Variants in CCR3 observed in about 807,000 individuals in gnomAD.
The protein encoded by CCR3 is C-C chemokine receptor type 3.
For synonymous variants in CCR3, 203 were observed against 179.2 expected (o/e 1.13, Z -1.06); for missense variants, 419 against 437.5 (o/e 0.96, Z 0.38).
At chr3:46,229,853 G>GA (rs547588266) in intron 2 of CCR3, among the ~76,000 whole-genome samples, 33 of 150,926 alleles carry the variant, frequency 2.2e-4, no homozygotes, top group Admixed American at 1.1e-3. Context: ...AATGTGCTGA[G>GA]AAAAAAAAAC....
chr3:46,233,525 G>A (rs1699991128), intron 2 of CCR3, among the ~76,000 whole-genome samples: 1 of 152,060 alleles, frequency 6.6e-6, no homozygotes, highest in South Asian at 2.1e-4. Flanking sequence ...TGTTGTTGTT[G>A]TTTTGGCTCT....
At position 46,265,309 on chromosome 3, in the gene CCR3, G is replaced by A; in HGVS notation, c.151G>A (p.Gly51Ser). The change falls in exon 2 of 2, where the codon GGC becomes AGC. Residue 51 changes from glycine (G) to serine (S), a missense_variant. Coordinates refer to ENST00000395940, the MANE Select transcript of CCR3 (RefSeq NM_178329.3). ...CCTGGTGTTCACTGTGGGCCTCTTG[G>A]GCAATGTGGTGGTGGTGATGATCCT... ...YSLVFTVGLL[G>S]NVVVVMILIK... The A allele has an allele frequency of 6.2e-7, 1 of 1,614,030 alleles. No individual in the cohort carries two copies. Among genetic ancestry groups the A allele is most frequent in the Non-Finnish European group, 8.5e-7 (1 of 1,180,000 alleles).
chr3:46,259,651 T>C (rs1700487363), intron 1 of CCR3, among the ~76,000 whole-genome samples: 1 of 152,186 alleles, frequency 6.6e-6, no homozygotes, highest in Admixed American at 6.6e-5. Context: ...TTTTATAATA[T>C]AAGGAGAGAA....
intron 2 of CCR3, among the ~76,000 whole-genome samples, chr3:46,228,015 C>A (rs1699922086): frequency 6.6e-6 from 1 of 152,116 alleles, no homozygotes; most frequent in Non-Finnish European, 1.5e-5. Context: ...TCCTAGTCAA[C>A]ATACCTAGAG....
At chr3:46,234,680 A>T (rs1700005132) in intron 2 of CCR3, among the ~76,000 whole-genome samples, 2 of 152,240 alleles carry the variant, frequency 1.3e-5, no homozygotes, top group Admixed American at 1.3e-4. Flanking sequence ...AGTCACTCCC[A>T]TGAAGATCTG....
intron 2 of CCR3, among the ~76,000 whole-genome samples, chr3:46,229,199 T>C (rs879482516): frequency 6.6e-5 from 10 of 152,230 alleles, no homozygotes; most frequent in Admixed American, 6.5e-5. Context: ...TCTTTCATAC[T>C]GTCTCCTTCC....
At chr3:46,263,553 C>T (rs982448907) in intron 1 of CCR3, 4 of 153,212 alleles carry the variant, frequency 2.6e-5, no homozygotes, top group African/African-American at 7.2e-5. Context: ...TCAACAAGTT[C>T]CACCCAAGGG....
At chr3:46,211,043 G>A (rs1207325222) in intron 2 of CCR3, 1 of 152,100 alleles carries the variant, frequency 6.6e-6, no homozygotes. Flanking sequence ...ATTTTAATAT[G>A]TTAAAAAATC....
At chr3:46,251,508 C>T (rs1700311599) in intron 1 of CCR3, among the ~76,000 whole-genome samples, 1 of 152,040 alleles carries the variant, frequency 6.6e-6, no homozygotes, top group African/African-American at 2.4e-5. Context: ...GTCTGAGGAC[C>T]TGAGGTCGTA....
intron 2 of CCR3, among the ~76,000 whole-genome samples, chr3:46,236,563 G>T (rs979127718): frequency 6.6e-6 from 1 of 152,248 alleles, no homozygotes; most frequent in African/African-American, 2.4e-5. Flanking sequence ...AACAACTAGA[G>T]GACTTCTTAT....
At chr3:46,251,144 T>C (rs4683191) in intron 1 of CCR3, among the ~76,000 whole-genome samples, 143,149 of 152,022 alleles carry the variant, frequency 0.94, 67,517 homozygotes, top group East Asian at 1. Context: ...CCCAGAAAAG[T>C]GGGACTTGCT....
At position 46,265,989 on chromosome 3, in the gene CCR3, G is replaced by A. The variant is rs201371312; in HGVS notation, c.831G>A (p.Lys277=). The A allele has an allele frequency of 1.8e-4, 293 of 1,614,098 alleles. 3 individuals are homozygous for A. The South Asian group carries it at 3.0e-3, about 17-fold the overall frequency. ...TTGGAAATGACTGTGAGCGGAGCAA[G>A]CATCTGGACCTGGTCATGCTGGTGA... ...ILFGNDCERS[K]HLDLVMLVTE... The change falls in exon 2 of 2, where the codon AAG becomes AAA. Residue 277 remains lysine, a synonymous_variant. Transcript: ENST00000395940.
intron 1 of CCR3, among the ~76,000 whole-genome samples, chr3:46,257,021 CA>C (rs35365421): frequency 0.37 from 56,175 of 150,770 alleles, 10,800 homozygotes; most frequent in East Asian, 0.64. Context: ...GTCAAATTTG[CA>C]AAAAAAAATT....
At chr3:46,227,259 G>T (rs1352596195) in intron 2 of CCR3, among the ~76,000 whole-genome samples, 1 of 152,052 alleles carries the variant, frequency 6.6e-6, no homozygotes, top group Admixed American at 6.6e-5. Flanking sequence ...TTTCTGAATT[G>T]TTGAATTTAT....
Position 46,242,963 on chromosome 3 carries a change from GTATATATATATATATACACA to G in CCR3, c.-12+442_-12+461del, listed in dbSNP as rs1404316077. ...AAAATATAATTTTACATATATATGTGTATATATATATATATACACATATATATATATATATATATACGCAC... is the reference window on the plus strand; with the variant it reads ...AAAATATAATTTTACATATATATGTGTATATATATATATATATATACGCAC... On this transcript the variant is annotated intron_variant, in intron 1 of 1. Transcript: ENST00000395940. Among the ~76,000 whole-genome samples the G allele has an allele frequency of 3.5e-5, 3 of 86,298 alleles. 1 individual carries two copies. The highest frequency in any genetic ancestry group is 6.6e-5 in the Non-Finnish European group (3 of 45,226). The allele number at this position is 86,298 out of a possible 152,430, so 56.6% of individuals were successfully genotyped here. A position where few individuals can be genotyped will look rare whatever the true frequency, so the allele number is the denominator to read the frequency against.
At chr3:46,263,837 C>T (rs191157942) in intron 1 of CCR3, 13 of 153,480 alleles carry the variant, frequency 8.5e-5, no homozygotes, top group African/African-American at 2.6e-4. Flanking sequence ...CTACCCAGAA[C>T]CCCAACATGT....
intron 1 of CCR3, among the ~76,000 whole-genome samples, chr3:46,251,123 C>T (rs1207039650): frequency 6.6e-6 from 1 of 152,064 alleles, no homozygotes; most frequent in Non-Finnish European, 1.5e-5. Flanking sequence ...GGTTGAGGTA[C>T]TTGCCCCTTT....
intron 1 of CCR3, chr3:46,264,838 T>G (rs1700587412): frequency 2.5e-6 from 1 of 399,764 alleles, no homozygotes; most frequent in East Asian, 4.7e-5. Context: ...TCTAGCCTGT[T>G]TTTTCCTGTT....
chr3:46,260,055 G>A (rs1700494272), intron 1 of CCR3, among the ~76,000 whole-genome samples: 1 of 152,186 alleles, frequency 6.6e-6, no homozygotes, highest in South Asian at 2.1e-4. Context: ...AAGAGAAGAA[G>A]AGCTTGTGCA....
Sources: allele counts gnomAD v4.1 joint callset (sites outside exome capture counted in the v4.1 genomes callset), GRCh38; gene constraint gnomAD v4.1.1; transcripts MANE v1.5; gene names NCBI Gene and HGNC (gene_info 2026-07-23, HGNC 2026-07-21).